GOLM2: variants seen among roughly 807,000 people sequenced by gnomAD.
The protein encoded by GOLM2 is golgi membrane protein 2, also known as protein GOLM2.
Under a neutral mutation model 55.9 loss-of-function variants are expected in GOLM2, and 26 were observed. That is an observed-to-expected ratio of 0.47 (90% CI 0.34 to 0.65). The LOEUF is 0.65. Among genes scored for constraint, GOLM2 ranks in the 30% least tolerant of loss-of-function variants. The pLI, the probability that GOLM2 is intolerant of heterozygous loss-of-function variation, is 0.01. For synonymous variants in GOLM2, 165 were observed against 194.6 expected (o/e 0.85, Z 1.27); for missense variants, 486 against 531.8 (o/e 0.91, Z 0.85).
In GOLM2 at chr15:44,289,409, T is replaced by C. The variant is rs910301500; in HGVS notation, c.327+53T>C. The C allele has an allele frequency of 4.0e-5, 59 of 1,479,466 alleles. No homozygotes were observed. The highest frequency in any genetic ancestry group is 4.9e-5 in the Non-Finnish European group (54 of 1,093,106). 91.6% of individuals were successfully genotyped at this position (1,479,466 alleles called of 1,614,324 possible). A position where few individuals can be genotyped will look rare whatever the true frequency, so the allele number is the denominator to read the frequency against. On this transcript the variant is annotated intron_variant, in intron 1 of 9. Coordinates refer to ENST00000299957, the MANE Select transcript of GOLM2 (RefSeq NM_138423.4). This position sits in a 1 kb window ranked among gnomAD's most constrained non-coding sequence, Gnocchi z 4.8. ...CCCATGGTTTCTTTTCTCCCCGGGG[T>C]CTGGGGCGGGATGTTAATCCGCTAG...
chr15:44,386,212 T>C (rs1299263050), intron 8 of GOLM2, among the ~76,000 whole-genome samples: 3 of 152,176 alleles, frequency 2.0e-5, no homozygotes, highest in Admixed American at 1.3e-4. Context: ...AGTTTTTGTA[T>C]ATGGTTTGAG....
At chr15:44,301,041 A>T (rs897641082) in intron 1 of GOLM2, among the ~76,000 whole-genome samples, 3 of 152,180 alleles carry the variant, frequency 2.0e-5, no homozygotes, top group African/African-American at 7.2e-5. Context: ...TTTTCTATTT[A>T]ATATAAAATG....
chr15:44,377,751 GTAA>G (rs1359370896), intron 6 of GOLM2, among the ~76,000 whole-genome samples: 1 of 151,920 alleles, frequency 6.6e-6, no homozygotes, highest in Non-Finnish European at 1.5e-5. Flanking sequence ...CTATCATTTG[GTAA>G]TAATGTAGAG....
chr15:44,328,310 T>A (rs1382190372), intron 2 of GOLM2, among the ~76,000 whole-genome samples: 3 of 152,146 alleles, frequency 2.0e-5, no homozygotes, highest in Non-Finnish European at 4.4e-5. Flanking sequence ...CTAACCCATA[T>A]CTACTAAAAA....
chr15:44,398,485 G>A lies in GOLM2; in HGVS notation c.1073-4402G>A, dbSNP rs534742475. On this transcript the variant is annotated intron_variant, in intron 8 of 9. Transcript: ENST00000299957. ...TTATGATTTATTTTTGTATCACAGT[G>A]CATAGTGCAATACCTATCACATACA... 1.5e-3 allele frequency among the ~76,000 whole-genome samples: 222 copies of A among 152,016 alleles called. 1 individual carries two copies. The highest frequency in any genetic ancestry group is 5.2e-3 in the African/African-American group (214 of 41,462).
chr15:44,348,933 A>G (rs2079142770), intron 6 of GOLM2: 1 of 152,358 alleles, frequency 6.6e-6, no homozygotes, highest in Non-Finnish European at 1.5e-5. Context: ...AGACCCAACA[A>G]TCTGTTGCCT....
intron 8 of GOLM2, among the ~76,000 whole-genome samples, chr15:44,386,017 A>C (rs2079441429): frequency 1.3e-5 from 2 of 152,192 alleles, no homozygotes; most frequent in Non-Finnish European, 2.9e-5. Context: ...GTGTCCTTTC[A>C]TGCACGAAAG....
At chr15:44,309,012 C>T (rs2078856775) in intron 1 of GOLM2, among the ~76,000 whole-genome samples, 2 of 152,062 alleles carry the variant, frequency 1.3e-5, no homozygotes, top group Non-Finnish European at 2.9e-5. Flanking sequence ...ATACAAGTGG[C>T]CAACAGGTAC....
intron 9 of GOLM2, among the ~76,000 whole-genome samples, chr15:44,411,636 T>C (rs2079639082): frequency 6.6e-6 from 1 of 151,858 alleles, no homozygotes; most frequent in Non-Finnish European, 1.5e-5. Context: ...GGCCAGGAGT[T>C]TGAGACCGGC....
intron 6 of GOLM2, among the ~76,000 whole-genome samples, chr15:44,353,339 A>C (rs1255475085): frequency 1.3e-5 from 2 of 152,234 alleles, no homozygotes; most frequent in African/African-American, 4.8e-5. Context: ...GTTCCTCAAG[A>C]AACTAAAAAT....
chr15:44,319,064 T>G (rs571237926), intron 1 of GOLM2, among the ~76,000 whole-genome samples: 8 of 152,322 alleles, frequency 5.3e-5, no homozygotes, highest in Admixed American at 4.6e-4. Context: ...AAGGCTGTAT[T>G]AAATCCTTCT....
intron 6 of GOLM2, among the ~76,000 whole-genome samples, chr15:44,375,154 G>A (rs1335517247): frequency 6.6e-6 from 1 of 152,046 alleles, no homozygotes; most frequent in African/African-American, 2.4e-5. Context: ...CTGAATAGCT[G>A]GGATTACAGG....
intron 2 of GOLM2, among the ~76,000 whole-genome samples, chr15:44,326,151 A>C (rs185721563): frequency 4.0e-4 from 61 of 151,790 alleles, no homozygotes; most frequent in African/African-American, 1.4e-3. Context: ...AATCCCAGCA[A>C]CTCAGGAGGC....
intron 8 of GOLM2, among the ~76,000 whole-genome samples, chr15:44,394,926 T>C (rs1355231307): frequency 2.6e-5 from 4 of 152,238 alleles, no homozygotes; most frequent in Non-Finnish European, 5.9e-5. Context: ...CTTTTCATTC[T>C]CTCTAGGTTT....
At chr15:44,402,706 T>G in intron 8 of GOLM2, 181 bp from the exon 9 acceptor site, 1 of 461,244 alleles carries the variant, frequency 2.2e-6, no homozygotes, top group Non-Finnish European at 3.8e-6. Context: ...AATTACATAT[T>G]TTCAGAGTCT....
chr15:44,320,680 C>A (rs1012402173), intron 1 of GOLM2, among the ~76,000 whole-genome samples: 1 of 152,178 alleles, frequency 6.6e-6, no homozygotes, highest in Admixed American at 6.5e-5. Flanking sequence ...CCCCTAGACT[C>A]CTTCTCTTGC....
chr15:44,363,908 C>G (rs1357959933), intron 6 of GOLM2, among the ~76,000 whole-genome samples: 2 of 151,968 alleles, frequency 1.3e-5, no homozygotes, highest in African/African-American at 4.8e-5. Context: ...ATGGATGAAA[C>G]TGGAAATAAT....
chr15:44,390,224 G>C (rs1468125258), intron 8 of GOLM2: 3 of 152,142 alleles, frequency 2.0e-5, no homozygotes, highest in African/African-American at 7.2e-5. Context: ...ATATAGTTTA[G>C]GGATACTTCA....
chr15:44,350,124 G>A (rs1271669935), intron 6 of GOLM2, among the ~76,000 whole-genome samples: 1 of 151,490 alleles, frequency 6.6e-6, no homozygotes, highest in African/African-American at 2.4e-5. Context: ...GTTAGTAGAA[G>A]GAAAAATAAA....
Sources: allele counts gnomAD v4.1 joint callset (sites outside exome capture counted in the v4.1 genomes callset), GRCh38; gene constraint gnomAD v4.1.1; non-coding constraint Gnocchi (gnomAD v3.1); transcripts MANE v1.5; gene names NCBI Gene and HGNC (gene_info 2026-07-23, HGNC 2026-07-21).